The following PRICKLE2 variants were observed in gnomAD, a reference collection of about 807,000 sequenced individuals.
The protein encoded by PRICKLE2 is prickle planar cell polarity protein 2, also known as prickle-like protein 2.
PRICKLE2 carries 21 observed loss-of-function variants against 81.4 expected under a neutral mutation model. That is an observed-to-expected ratio of 0.26 (90% confidence interval 0.18 to 0.37). The LOEUF is 0.37. PRICKLE2 is among the 10% of genes least tolerant of loss of function. The pLI, the probability that PRICKLE2 is intolerant of heterozygous loss-of-function variation, is 1.00. For missense variants in PRICKLE2, 940 were observed against 1,109.0 expected (o/e 0.85, Z 2.16); for synonymous variants, 456 against 421.5 (o/e 1.08, Z -1.00).
chr3:64,245,234 G>A (rs745516136), intron 2 of PRICKLE2, among the ~76,000 whole-genome samples: 3 of 152,174 alleles, frequency 2.0e-5, no homozygotes, highest in African/African-American at 7.2e-5. Context: ...AAATTCTAGT[G>A]TTTGAAAGTG....
chr3:64,103,233 A>G (rs2076697433), intron 7 of PRICKLE2: 1 of 152,344 alleles, frequency 6.6e-6, no homozygotes, highest in Non-Finnish European at 1.5e-5. Context: ...CCTGGCGTCT[A>G]GTAGGTAGAG....
chr3:64,227,170 T>TG (rs2079043568), upstream of PRICKLE2, among the ~76,000 whole-genome samples: 1 of 152,240 alleles, frequency 6.6e-6, no homozygotes, highest in South Asian at 2.1e-4. Context: ...TCATGAGACC[T>TG]GGAATAACTT....
chr3:64,236,078 C>T (rs921736106), intron 2 of PRICKLE2, among the ~76,000 whole-genome samples: 3 of 152,110 alleles, frequency 2.0e-5, no homozygotes, highest in African/African-American at 7.2e-5. Flanking sequence ...GGACAATTTC[C>T]AGAAACTTTA....
Position 64,179,256 on chromosome 3 carries a change from A to T in PRICKLE2, c.145-16127T>A, listed in dbSNP as rs929974301. Among the ~76,000 whole-genome samples, 10 of 151,900 alleles carry T rather than the reference A, an allele frequency of 6.6e-5. No individual in the cohort carries two copies. The East Asian group carries it at 1.9e-3, about 30-fold the overall frequency. On this transcript the variant is annotated intron_variant, in intron 2 of 7. Transcript: ENST00000638394. ...CATGCCTGGCTAATTTCGTATTTTT[A>T]GTAGAGATGGGGTTTCTCCATGTTG...
At chr3:64,150,578 G>C (rs2077529124) in intron 6 of PRICKLE2, among the ~76,000 whole-genome samples, 1 of 151,938 alleles carries the variant, frequency 6.6e-6, no homozygotes, top group African/African-American at 2.4e-5. Context: ...TTTCTCAAAT[G>C]CCAAGAGTGC....
At chr3:64,189,845 T>A (rs2078300259) in intron 2 of PRICKLE2, among the ~76,000 whole-genome samples, 1 of 152,200 alleles carries the variant, frequency 6.6e-6, no homozygotes, top group African/African-American at 2.4e-5. Flanking sequence ...GTCACCTCTG[T>A]AGTCAAATGG....
chr3:64,160,677 G>T (rs2077718517), intron 3 of PRICKLE2, among the ~76,000 whole-genome samples: 1 of 152,208 alleles, frequency 6.6e-6, no homozygotes, highest in Non-Finnish European at 1.5e-5. Context: ...GGAACAAGCT[G>T]CCTGCTAGAC....
At chr3:64,145,300 T>C (rs1281594548) in intron 7 of PRICKLE2, 1 of 146,208 alleles carries the variant, frequency 6.8e-6, no homozygotes, top group Non-Finnish European at 1.5e-5. Flanking sequence ...TTTGTATATA[T>C]TATATCATAT....
chr3:64,195,043 AAAAAAT>A (rs2078423919), intron 2 of PRICKLE2, among the ~76,000 whole-genome samples: 1 of 152,124 alleles, frequency 6.6e-6, no homozygotes, highest in South Asian at 2.1e-4. Context: ...CTGTCTCTTA[AAAAAAT>A]AAAAATAAAC....
chr3:64,103,289 T>C (rs1235869625), intron 7 of PRICKLE2, among the ~76,000 whole-genome samples: 3 of 152,194 alleles, frequency 2.0e-5, no homozygotes, highest in African/African-American at 7.2e-5. Flanking sequence ...GATGGCTTCC[T>C]TGCCTCCACA....
At chr3:64,143,707 G>A (rs1487986061) in intron 7 of PRICKLE2, among the ~76,000 whole-genome samples, 1 of 152,202 alleles carries the variant, frequency 6.6e-6, no homozygotes, top group Admixed American at 6.5e-5. Context: ...CAAGGGGTTA[G>A]GGGGAGGCCC....
At chr3:64,140,358 CA>C (rs1481932279) in intron 7 of PRICKLE2, among the ~76,000 whole-genome samples, 3 of 152,134 alleles carry the variant, frequency 2.0e-5, no homozygotes, top group East Asian at 3.8e-4. Context: ...CTAAGTGAAT[CA>C]AAAAAATAAA....
chr3:64,172,376 A>G (rs1575617027), intron 2 of PRICKLE2, among the ~76,000 whole-genome samples: 2 of 152,342 alleles, frequency 1.3e-5, no homozygotes, highest in South Asian at 4.1e-4. Flanking sequence ...ACACACATAC[A>G]TAAGTATGAA....
intron 5 of PRICKLE2, chr3:64,153,614 A>G (rs2077580278): frequency 4.0e-6 from 2 of 501,354 alleles, no homozygotes; most frequent in Admixed American, 3.4e-5. Context: ...CACATTTAAT[A>G]AGAGAAAGAA....
intron 2 of PRICKLE2, among the ~76,000 whole-genome samples, chr3:64,245,984 C>T (rs2079344732): frequency 6.6e-6 from 1 of 152,192 alleles, no homozygotes. Context: ...GTGGCTCACA[C>T]TTGTAATCCC....
chr3:64,122,274 T>C (rs2106969584), intron 7 of PRICKLE2, among the ~76,000 whole-genome samples: 1 of 152,246 alleles, frequency 6.6e-6, no homozygotes, highest in South Asian at 2.1e-4. Flanking sequence ...AGTCAAAACC[T>C]GCTAACAGGT....
chr3:64,168,085 T>C (rs530120900), intron 2 of PRICKLE2, among the ~76,000 whole-genome samples: 9 of 152,300 alleles, frequency 5.9e-5, no homozygotes, highest in African/African-American at 2.2e-4. Context: ...GATATATGAT[T>C]CAGCAGGGGA....
At chr3:64,244,616 G>GTGTA (rs1559601050) in intron 2 of PRICKLE2, among the ~76,000 whole-genome samples, 1 of 151,740 alleles carries the variant, frequency 6.6e-6, no homozygotes, top group Non-Finnish European at 1.5e-5. Context: ...GTGTGTGTGT[G>GTGTA]TGTGTGTGTG....
intron 7 of PRICKLE2, among the ~76,000 whole-genome samples, chr3:64,123,773 T>G (rs999692195): frequency 3.3e-5 from 5 of 152,212 alleles, no homozygotes; most frequent in African/African-American, 1.2e-4. Context: ...TATCATTAAA[T>G]GTTGTATGTG....
Sources: allele counts gnomAD v4.1 joint callset (sites outside exome capture counted in the v4.1 genomes callset), GRCh38; gene constraint gnomAD v4.1.1; transcripts MANE v1.5; gene names NCBI Gene and HGNC (gene_info 2026-07-23, HGNC 2026-07-21).